Variants in SMTN observed in about 807,000 individuals in gnomAD.
The protein encoded by SMTN is smoothelin.
SMTN carries 58 observed loss-of-function variants against 102.0 expected under a neutral mutation model. The ratio of observed to expected loss-of-function variants is 0.57; its 90% CI spans 0.46 to 0.71. The LOEUF (loss-of-function observed/expected upper bound fraction) is 0.71, where lower values mean the gene tolerates loss of function less well. Ranked by LOEUF, SMTN falls within the 30% of genes least tolerant of loss-of-function variation. SMTN has a pLI of 0.00. For missense variants in SMTN, 1,185 were observed against 1,241.7 expected (o/e 0.95, Z 0.69); for synonymous variants, 478 against 497.9 (o/e 0.96, Z 0.53).
chr22:31,078,979 T>A (rs547003822), upstream of SMTN, among the ~76,000 whole-genome samples: 1 of 152,342 alleles, frequency 6.6e-6, no homozygotes, highest in East Asian at 1.9e-4. Flanking sequence ...GGCAGCAAAG[T>A]GGAGGGAAGG....
intron 1 of SMTN, among the ~76,000 whole-genome samples, chr22:31,072,620 C>T (rs1226550570): frequency 6.6e-6 from 1 of 152,112 alleles, no homozygotes; most frequent in African/African-American, 2.4e-5. Flanking sequence ...CGCCACCACG[C>T]CTGGCTAATT....
chr22:31,091,171 C>A lies in SMTN; in HGVS notation c.1148C>A (p.Ser383Tyr), dbSNP rs769597304. ...GCCTCCTCCTCCAGCGGCTCCTCCT[C>A]TCGGGGCCCCAGTGATACCTCCTCC... ...TPASSSSGSS[S>Y]RGPSDTSSRF... The change falls in exon 10 of 21, where the codon TCT (serine) becomes TAT (tyrosine). Residue 383 changes from serine (S) to tyrosine (Y), a missense_variant. Coordinates refer to ENST00000333137, the MANE Select transcript of SMTN (RefSeq NM_134269.3). 40 of 1,613,702 alleles carry A rather than the reference C, an allele frequency of 2.5e-5. No individual in the cohort carries two copies. The South Asian group carries it at 4.0e-4, about 16-fold the overall frequency.
At chr22:31,092,653 T>A in intron 11 of SMTN, 1 of 431,188 alleles carries the variant, frequency 2.3e-6, no homozygotes, top group Admixed American at 2.5e-5. Flanking sequence ...GCACCCTTCC[T>A]TTCCAAAAAA....
rs543952888 is a variant in SMTN, at chr22:31,086,525, C to T, written c.52-1440C>T. The stretch of plus-strand genomic sequence containing the variant: ...CCTTCCCATTTGCCCCCTTGTCTCT[C>T]TCCCTCCTCCTGACTGGCTAGAACC... On this transcript the variant is annotated intron_variant, in intron 2 of 20. Transcript: ENST00000333137. 5.3e-5 allele frequency among the ~76,000 whole-genome samples: 8 copies of T among 152,334 alleles called. No homozygotes were observed. In the Middle Eastern group the frequency reaches 0.01, roughly 194 times the overall value.
At chr22:31,075,795 G>C in intron 1 of SMTN, among the ~76,000 whole-genome samples, 1 of 152,222 alleles carries the variant, frequency 6.6e-6, no homozygotes, top group Admixed American at 6.5e-5. Context: ...AACTTCATAA[G>C]CAGTTGCTAT....
chr22:31,099,236 T>G (rs762235044), intron 18 of SMTN, 57 bp downstream of exon 18: 15 of 1,124,718 alleles, frequency 1.3e-5, no homozygotes, highest in Non-Finnish European at 2.0e-5. Flanking sequence ...GCTCAACACC[T>G]CCTTCTTAGC....
rs533806473 is a variant in SMTN, at chr22:31,088,032, A to G, written c.119A>G (p.Gln40Arg). 1 of 1,612,138 alleles carries G rather than the reference A, an allele frequency of 6.2e-7. No homozygotes were observed. Among genetic ancestry groups the G allele is most frequent in the South Asian group, 1.1e-5 (1 of 91,038 alleles). ...TCAGCCATCCGGGAACTGCAGCGGC[A>G]GGAGCTGGAGCGCGAGGAGGAGGCC... is the stretch of plus-strand genomic sequence containing the variant. ...IRSAIRELQRQELEREEEALA... is the reference protein window; with the variant it reads ...IRSAIRELQRRELEREEEALA... Residue 40 changes from glutamine to arginine, a missense_variant, in exon 3 of 21, where the codon CAG (glutamine) becomes CGG (arginine). Transcript: ENST00000333137.
In SMTN at chr22:31,089,865, C is replaced by T. The variant is rs751874632; in HGVS notation, c.638C>T (p.Ser213Phe). 1.9e-6 allele frequency: 3 copies of T among 1,613,932 alleles called. No individual in the cohort carries two copies. Among genetic ancestry groups the T allele is most frequent in the Admixed American group, 1.7e-5 (1 of 60,004 alleles). Residue 213 changes from serine (S) to phenylalanine (F), a missense_variant, in exon 7 of 21, where the codon TCT becomes TTT. By Grantham distance (155) the Ser-to-Phe change is radical. Coordinates refer to ENST00000333137, the MANE Select transcript of SMTN (RefSeq NM_134269.3). ...CCCAGCAGTTCACCCACCCCTGCCTCTCCTGAGCCTCCATTGGAGCCTGCC... is the reference window on the plus strand; with the variant it reads ...CCCAGCAGTTCACCCACCCCTGCCTTTCCTGAGCCTCCATTGGAGCCTGCC... ...ASPSSSPTPA[S>F]PEPPLEPAEA...
chr22:31,069,433 TG>T (rs1473937484), intron 1 of SMTN, among the ~76,000 whole-genome samples: 1 of 152,128 alleles, frequency 6.6e-6, no homozygotes, highest in Non-Finnish European at 1.5e-5. Context: ...AGACACAAGA[TG>T]GGGATTGCCA....
chr22:31,067,299 G>C (rs530440239), intron 1 of SMTN: 1 of 151,998 alleles, frequency 6.6e-6, no homozygotes, highest in East Asian at 1.9e-4. Flanking sequence ...GAGTGCAGTG[G>C]CATGATCTTG....
Position 31,083,197 on chromosome 22 carries a change from C to T in SMTN, c.-62C>T, listed in dbSNP as rs1393526776. On this transcript the variant is annotated 5_prime_UTR_variant, in exon 2 of 21. Coordinates refer to ENST00000333137, the MANE Select transcript of SMTN (RefSeq NM_134269.3). Reference sequence around the variant, plus strand: ...CCTGCAGAATTCTCTGAGCTGGTGACAGGTGCCACAGGCACTGGGGATCTC... The same window carrying T: ...CCTGCAGAATTCTCTGAGCTGGTGATAGGTGCCACAGGCACTGGGGATCTC... 1.3e-6 allele frequency: 2 copies of T among 1,579,676 alleles called. No individual in the cohort carries two copies. Among genetic ancestry groups the T allele is most frequent in the Non-Finnish European group, 1.7e-6 (2 of 1,163,980 alleles).
rs757327925 is a variant in SMTN, at chr22:31,091,242, C to G, written c.1219C>G (p.Leu407Val). The G allele has an allele frequency of 1.1e-5, 18 of 1,606,412 alleles. No individual in the cohort carries two copies. In the Admixed American group the frequency reaches 2.4e-4, roughly 21 times the overall value. ...AGGAGTAGCCCAGCCCCTGGCCCAGCTTCGAAGCTGCCCCCAGGAGGAGGG... is the reference window on the plus strand; with the variant it reads ...AGGAGTAGCCCAGCCCCTGGCCCAGGTTCGAAGCTGCCCCCAGGAGGAGGG... ...QRGVAQPLAQLRSCPQEEGPR... is the reference protein window; with the variant it reads ...QRGVAQPLAQVRSCPQEEGPR... The change falls in exon 10 of 21, where the codon CTT becomes GTT. Residue 407 changes from leucine to valine, a missense_variant. Leu to Val is a conservative substitution (Grantham distance 32, BLOSUM62 1). This residue lies in a region of SMTN where 1,096 missense variants were observed against 1,112.7 expected (regional missense o/e 0.98). Transcript: ENST00000333137.
intron 10 of SMTN, 44 bp downstream of exon 10, chr22:31,091,526 A>T (rs200706364): frequency 7.1e-4 from 1,075 of 1,514,958 alleles, no homozygotes; most frequent in Non-Finnish European, 8.5e-4. Context: ...GAGTGCCTGC[A>T]ACCGCACTTC....
rs1487815030 is a variant in SMTN, at chr22:31,084,187, C to T, written c.51+878C>T. Among the ~76,000 whole-genome samples the T allele has an allele frequency of 2.0e-5, 3 of 152,208 alleles. No homozygotes were observed. In the East Asian group the frequency reaches 5.8e-4, roughly 29 times the overall value. ...CGTAGGGCAACCCAGTGGGGCAGGGCTCCTTCCCCAACCCCAAAGGCCAGG... is the reference window on the plus strand; with the variant it reads ...CGTAGGGCAACCCAGTGGGGCAGGGTTCCTTCCCCAACCCCAAAGGCCAGG... On this transcript the variant is annotated intron_variant, in intron 2 of 20. Transcript: ENST00000333137.
intron 2 of SMTN, chr22:31,085,329 G>T: frequency 6.8e-7 from 1 of 1,466,484 alleles, no homozygotes; most frequent in Non-Finnish European, 9.1e-7. Flanking sequence ...GAGGGAGGGC[G>T]GTCGCAGAAC....
intron 1 of SMTN, chr22:31,082,957 G>GCCAAGCTGGCAGGGCTGGAACCAGAGAC: frequency 6.7e-7 from 1 of 1,494,648 alleles, no homozygotes; most frequent in Non-Finnish European, 9.1e-7. Context: ...CAGACTGGCG[G>GCCAAGCTGGCAGGGCTGGAACCAGAGAC]CCAAGCTGGC....
chr22:31,072,006 C>A (rs142309074), intron 1 of SMTN, among the ~76,000 whole-genome samples: 2 of 152,216 alleles, frequency 1.3e-5, no homozygotes, highest in Non-Finnish European at 2.9e-5. Context: ...ATATTGCCAT[C>A]TCTTAATGAA....
chr22:31,079,454 G>A (rs185679117), upstream of SMTN, among the ~76,000 whole-genome samples: 1 of 152,360 alleles, frequency 6.6e-6, no homozygotes, highest in Non-Finnish European at 1.5e-5. Flanking sequence ...CTACAGTAGG[G>A]CAGGGAGAAA....
intron 11 of SMTN, among the ~76,000 whole-genome samples, chr22:31,092,220 C>T (rs186672267): frequency 2.0e-4 from 31 of 152,322 alleles, no homozygotes; most frequent in Middle Eastern, 3.4e-3. Flanking sequence ...AGTGCCCCTG[C>T]GCCCACCCAC....
Sources: allele counts gnomAD v4.1 joint callset (sites outside exome capture counted in the v4.1 genomes callset), GRCh38; gene constraint gnomAD v4.1.1; regional missense constraint gnomAD v4.1.1; transcripts MANE v1.5; gene names NCBI Gene and HGNC (gene_info 2026-07-23, HGNC 2026-07-21).